The following ADGRL2 variants were observed in gnomAD, a reference collection of about 807,000 sequenced individuals.
The protein encoded by ADGRL2 is calcium-independent alpha-latrotoxin receptor 2.
A neutral mutation model predicts 157.4 loss-of-function variants in ADGRL2; 44 were observed. That is an observed-to-expected ratio of 0.28 (90% CI 0.22 to 0.36). The LOEUF (loss-of-function observed/expected upper bound fraction) is 0.36, where lower values mean the gene tolerates loss of function less well. ADGRL2 is among the 10% of genes least tolerant of loss of function. ADGRL2 has a pLI of 1.00. For missense variants in ADGRL2, 1,510 were observed against 1,768.9 expected, an observed-to-expected ratio of 0.85 and a Z score of 2.63; for synonymous variants, 585 against 624.7, an observed-to-expected ratio of 0.94 and a Z score of 0.95.
chr1:81,309,970 C>T (rs1659628958), intron 1 of ADGRL2, among the ~76,000 whole-genome samples: 1 of 152,156 alleles, frequency 6.6e-6, no homozygotes. Context: ...ATGCAAACAA[C>T]TGTTCACATC....
chr1:81,385,312 A>G lies in ADGRL2; in HGVS notation c.-301-59724A>G, dbSNP rs544579212. 1.6e-4 allele frequency among the ~76,000 whole-genome samples: 24 copies of G among 152,288 alleles called. 1 individual carries two copies. Among genetic ancestry groups the G allele is most frequent in the Middle Eastern group, 3.4e-3 (1 of 294 alleles). Reference sequence around the variant, plus strand: ...GAATATAAGCCTAGCATGAAAATACAGTTTGTGAGCTGGCTGTATTTTCCA... The same window carrying G: ...GAATATAAGCCTAGCATGAAAATACGGTTTGTGAGCTGGCTGTATTTTCCA... On this transcript the variant is annotated intron_variant, in intron 1 of 24. Transcript: ENST00000370721.
At chr1:81,573,303 A>G (rs780691247) in intron 2 of ADGRL2, among the ~76,000 whole-genome samples, 18 of 152,064 alleles carry the variant, frequency 1.2e-4, no homozygotes, top group Non-Finnish European at 2.4e-4. Context: ...GAGTAGATGA[A>G]GCAAACTGAT....
intron 3 of ADGRL2, among the ~76,000 whole-genome samples, chr1:81,666,920 A>G (rs1341367554): frequency 6.6e-6 from 1 of 152,206 alleles, no homozygotes; most frequent in Non-Finnish European, 1.5e-5. Flanking sequence ...CTCTGCTTTT[A>G]GAAGGTATAC....
chr1:81,912,128 G>C (rs1311863218), intron 3 of ADGRL2, among the ~76,000 whole-genome samples: 1 of 151,602 alleles, frequency 6.6e-6, no homozygotes, highest in Non-Finnish European at 1.5e-5. Context: ...CTGGAGTGCA[G>C]TGGCATGATC....
chr1:81,836,965 A>G lies in ADGRL2; in HGVS notation c.-20A>G. On this transcript the variant is annotated 5_prime_UTR_variant, in exon 2 of 24. Transcript: ENST00000686636. ...TAGATTCATTAAGGAATACAAAGAA[A>G]ATACTTAAAGGGATCAATAATGGTG... 6.6e-7 allele frequency: 1 copy of G among 1,513,076 alleles called. No homozygotes were observed. The highest frequency in any genetic ancestry group is 9.0e-7 in the Non-Finnish European group (1 of 1,112,148). The allele number at this position is 1,513,076 out of a possible 1,614,324, so 93.7% of individuals were successfully genotyped here.
chr1:81,484,637 A>C (rs749936064), intron 2 of ADGRL2, among the ~76,000 whole-genome samples: 5 of 152,156 alleles, frequency 3.3e-5, no homozygotes, highest in Non-Finnish European at 5.9e-5. Context: ...TATCTTGTAC[A>C]CAGTGTAGGC....
intron 2 of ADGRL2, among the ~76,000 whole-genome samples, chr1:81,792,207 G>T (rs1008225146): frequency 1.3e-5 from 2 of 152,016 alleles, no homozygotes; most frequent in South Asian, 4.2e-4. Context: ...CAGTAAAAAC[G>T]CAAAATTAAA....
intron 3 of ADGRL2, among the ~76,000 whole-genome samples, chr1:81,610,152 C>CTGATACATT (rs2148665952): frequency 6.7e-6 from 1 of 150,292 alleles, no homozygotes; most frequent in Non-Finnish European, 1.5e-5. Flanking sequence ...AAGATCTATT[C>CTGATACATT]TGATACATTT....
At chr1:81,583,107 T>C (rs1341272647) in intron 3 of ADGRL2, among the ~76,000 whole-genome samples, 1 of 152,210 alleles carries the variant, frequency 6.6e-6, no homozygotes, top group Non-Finnish European at 1.5e-5. Flanking sequence ...GAAAAAACTA[T>C]TGATTCAGCC....
intron 2 of ADGRL2, among the ~76,000 whole-genome samples, chr1:81,897,331 T>A (rs1038790628): frequency 1.3e-5 from 2 of 152,160 alleles, no homozygotes; most frequent in East Asian, 3.8e-4. Context: ...ATTCTGCCTT[T>A]GTGAACTTAG....
At chr1:81,308,304 C>A (rs981833304) in intron 1 of ADGRL2, among the ~76,000 whole-genome samples, 6 of 152,094 alleles carry the variant, frequency 3.9e-5, no homozygotes, top group Admixed American at 2.0e-4. Context: ...CTGGAGAATT[C>A]CATTCACACC....
At chr1:81,492,264 A>G (rs2078648900) in intron 2 of ADGRL2, among the ~76,000 whole-genome samples, 2 of 152,244 alleles carry the variant, frequency 1.3e-5, no homozygotes, top group African/African-American at 4.8e-5. Context: ...ATGAAAAAGA[A>G]GAAGAAAAGC....
At chr1:81,849,185 T>C (rs1209380070) in intron 2 of ADGRL2, among the ~76,000 whole-genome samples, 1 of 151,932 alleles carries the variant, frequency 6.6e-6, no homozygotes, top group Admixed American at 6.6e-5. Flanking sequence ...AATTGACTGA[T>C]AGCACTGATT....
intron 2 of ADGRL2, among the ~76,000 whole-genome samples, chr1:81,775,215 C>T (rs774263407): frequency 6.6e-6 from 1 of 151,854 alleles, no homozygotes; most frequent in Admixed American, 6.6e-5. Context: ...AAACTTAATA[C>T]TCTGAAAAAA....
intron 1 of ADGRL2, among the ~76,000 whole-genome samples, chr1:81,398,727 A>G (rs527646126): frequency 1.3e-5 from 2 of 152,238 alleles, no homozygotes; most frequent in Admixed American, 6.5e-5. Flanking sequence ...ATATCACCCA[A>G]TTCTCTCCTG....
At chr1:81,959,364 A>G (rs1654594918) in intron 11 of ADGRL2, among the ~76,000 whole-genome samples, 1 of 152,220 alleles carries the variant, frequency 6.6e-6, no homozygotes, top group Admixed American at 6.5e-5. Flanking sequence ...TTGTCTCATT[A>G]AATGAATTCT....
At chr1:81,585,728 A>T (rs1195165987) in intron 3 of ADGRL2, among the ~76,000 whole-genome samples, 2 of 152,106 alleles carry the variant, frequency 1.3e-5, no homozygotes, top group Admixed American at 1.3e-4. Flanking sequence ...TGGGTTGAGG[A>T]TGAAAAGTCC....
At chr1:81,375,210 G>A (rs1386501543) in intron 1 of ADGRL2, among the ~76,000 whole-genome samples, 1 of 152,198 alleles carries the variant, frequency 6.6e-6, no homozygotes, top group Non-Finnish European at 1.5e-5. Flanking sequence ...CAGCAACATA[G>A]ACCACTTAAG....
intron 3 of ADGRL2, among the ~76,000 whole-genome samples, chr1:81,652,147 T>A (rs530203446): frequency 3.3e-5 from 5 of 152,214 alleles, no homozygotes; most frequent in Non-Finnish European, 5.9e-5. Flanking sequence ...GAGAATCCAA[T>A]AAAAAAACAG....
Sources: allele counts gnomAD v4.1 joint callset (sites outside exome capture counted in the v4.1 genomes callset), GRCh38; gene constraint gnomAD v4.1.1; transcripts MANE v1.5; gene names NCBI Gene and HGNC (gene_info 2026-07-23, HGNC 2026-07-21).